Variants in GAS7 observed in about 807,000 individuals in gnomAD.
The protein encoded by GAS7 is growth arrest-specific protein 7.
GAS7 carries 28 observed loss-of-function variants against 71.1 expected under a neutral mutation model. The observed-to-expected ratio is 0.39, with a 90% CI of 0.29 to 0.54. GAS7 has a LOEUF of 0.54. Among genes scored for constraint, GAS7 ranks in the 20% least tolerant of loss-of-function variants. GAS7 has a pLI of 0.62. For missense variants in GAS7, 436 were observed against 627.8 expected (o/e 0.69, Z 3.27); for synonymous variants, 258 against 245.8 (o/e 1.05, Z -0.46).
At chr17:10,064,121 T>G (rs910703285) in intron 1 of GAS7, among the ~76,000 whole-genome samples, 1 of 152,360 alleles carries the variant, frequency 6.6e-6, no homozygotes, top group Non-Finnish European at 1.5e-5. Context: ...CAGCGGCGGC[T>G]GCTGCAGCTT....
At chr17:10,159,709 G>A (rs1184158043) in intron 1 of GAS7, among the ~76,000 whole-genome samples, 5 of 151,826 alleles carry the variant, frequency 3.3e-5, no homozygotes, top group Admixed American at 6.6e-5. Context: ...GGTAAGTTCC[G>A]TGTCTGACGT....
chr17:10,065,714 T>C (rs1276241679), intron 1 of GAS7, among the ~76,000 whole-genome samples: 1 of 152,230 alleles, frequency 6.6e-6, no homozygotes, highest in Non-Finnish European at 1.5e-5. Context: ...TCCCAGGTTC[T>C]GGGGATTAGG....
At chr17:10,148,028 G>C (rs1217843830) in intron 1 of GAS7, among the ~76,000 whole-genome samples, 1 of 152,136 alleles carries the variant, frequency 6.6e-6, no homozygotes, top group African/African-American at 2.4e-5. Flanking sequence ...GGAGCTCAAG[G>C]AGCTGCTGTG....
At chr17:10,168,231 T>A (rs2074309618) in intron 1 of GAS7, among the ~76,000 whole-genome samples, 1 of 152,072 alleles carries the variant, frequency 6.6e-6, no homozygotes. Flanking sequence ...AAATAACCAC[T>A]GATGTATATG....
chr17:10,175,896 G>A (rs925036196), intron 1 of GAS7, among the ~76,000 whole-genome samples: 1 of 152,144 alleles, frequency 6.6e-6, no homozygotes, highest in African/African-American at 2.4e-5. Flanking sequence ...TGGGGAGTGG[G>A]TCCAAACTCA....
intron 1 of GAS7, among the ~76,000 whole-genome samples, chr17:10,068,859 CG>C (rs1275723025): frequency 6.6e-6 from 1 of 152,082 alleles, no homozygotes; most frequent in African/African-American, 2.4e-5. Context: ...GAAAACCAGG[CG>C]CAAGTTCAGG....
chr17:10,095,960 A>G (rs756088305), intron 1 of GAS7, among the ~76,000 whole-genome samples: 2 of 151,882 alleles, frequency 1.3e-5, no homozygotes, highest in African/African-American at 2.4e-5. Context: ...GTTCCTCCTC[A>G]TTCCTCAACC....
At chr17:10,126,517 A>C (rs905103247) in intron 1 of GAS7, among the ~76,000 whole-genome samples, 3 of 137,274 alleles carry the variant, frequency 2.2e-5, no homozygotes, top group African/African-American at 8.4e-5. Context: ...CGTATCACAC[A>C]CGCACACACA....
chr17:10,045,680 G>A (rs2072943690), intron 1 of GAS7, among the ~76,000 whole-genome samples: 1 of 152,204 alleles, frequency 6.6e-6, no homozygotes, highest in African/African-American at 2.4e-5. Context: ...CTAGGCGACA[G>A]AGTGAGACGC....
In GAS7 at chr17:10,079,709, G is replaced by A. The variant is rs150528252; in HGVS notation, c.184-59812C>T. On this transcript the variant is annotated intron_variant, in intron 1 of 13. Transcript: ENST00000432992. ...TCCCTAAAATGTATAAAAACTAAGC[G>A]GCGCCCTGACCACCTTGGCCACATG... Among the ~76,000 whole-genome samples the A allele has an allele frequency of 1.7e-3, 252 of 152,206 alleles. 1 individual carries two copies. The highest frequency in any genetic ancestry group is 2.7e-3 in the Non-Finnish European group (186 of 68,010).
intron 1 of GAS7, among the ~76,000 whole-genome samples, chr17:10,023,364 A>G (rs937726344): frequency 1.3e-5 from 2 of 152,232 alleles, no homozygotes; most frequent in African/African-American, 4.8e-5. Context: ...CCTAGAAACA[A>G]GCAGTCAGAC....
chr17:9,928,402 G>A (rs191290348), intron 9 of GAS7, among the ~76,000 whole-genome samples: 17 of 152,032 alleles, frequency 1.1e-4, no homozygotes, highest in African/African-American at 3.9e-4. Context: ...GATTACAGGC[G>A]TGAGCCACCG....
intron 1 of GAS7, among the ~76,000 whole-genome samples, chr17:10,083,082 G>A (rs2073476219): frequency 6.6e-6 from 1 of 152,166 alleles, no homozygotes; most frequent in Non-Finnish European, 1.5e-5. Context: ...TTGCAAGGGT[G>A]TATACATTTG....
chr17:10,129,581 G>C (rs2073980235), intron 1 of GAS7, among the ~76,000 whole-genome samples: 1 of 152,264 alleles, frequency 6.6e-6, no homozygotes, highest in South Asian at 2.1e-4. Context: ...AAATCTTCAT[G>C]ACCTTCTTAG....
intron 1 of GAS7, among the ~76,000 whole-genome samples, chr17:10,154,950 AC>A: frequency 7.4e-6 from 1 of 135,326 alleles, no homozygotes; most frequent in Non-Finnish European, 1.6e-5. Context: ...ACACACACAC[AC>A]ACACAAAACC....
At chr17:10,012,586 C>T (rs1035052654) in intron 2 of GAS7, among the ~76,000 whole-genome samples, 2 of 152,132 alleles carry the variant, frequency 1.3e-5, no homozygotes, top group African/African-American at 2.4e-5. Context: ...CACACCCAGC[C>T]GACCTTTCAA....
chr17:10,166,851 T>C (rs1276957188), intron 1 of GAS7, among the ~76,000 whole-genome samples: 4 of 152,128 alleles, frequency 2.6e-5, no homozygotes, highest in Non-Finnish European at 4.4e-5. Flanking sequence ...TACGTTTCCA[T>C]GAGCTAGGCC....
rs183903761 is a variant in GAS7, at chr17:10,074,215, G to T, written c.184-54318C>A. Among the ~76,000 whole-genome samples the T allele has an allele frequency of 1.5e-4, 23 of 152,306 alleles. 1 individual carries two copies. In the East Asian group the frequency reaches 4.4e-3, roughly 29 times the overall value. On this transcript the variant is annotated intron_variant, in intron 1 of 13. Coordinates refer to ENST00000432992, the MANE Select transcript of GAS7 (RefSeq NM_201433.2). ...CATCGTAAGGACAGGCTTTCTCCTT[G>T]CCAGGCTTTTCTCTGCTTTTCTTGC...
Position 9,940,215 on chromosome 17 carries a change from A to G in GAS7, c.732-15T>C. On this transcript the variant is annotated splice_polypyrimidine_tract_variant and intron_variant, in intron 7 of 13. Coordinates refer to ENST00000432992, the MANE Select transcript of GAS7 (RefSeq NM_201433.2). ...CAATCTTTATCCTGCAAAGAGAGAA[A>G]ACCCAACACACATCAGCTCTCCAGT... 6.2e-7 allele frequency: 1 copy of G among 1,605,502 alleles called. No homozygotes were observed. The highest frequency in any genetic ancestry group is 8.5e-7 in the Non-Finnish European group (1 of 1,172,056).
Sources: gnomAD v4.1 joint callset for allele counts (sites outside exome capture counted in the v4.1 genomes callset) on GRCh38, gnomAD v4.1.1 for gene constraint, MANE v1.5 for transcripts, NCBI Gene and HGNC (gene_info 2026-07-23, HGNC 2026-07-21) for gene names.